Variants in RBFOX1 observed in about 807,000 individuals in gnomAD.
RBFOX1 encodes RNA binding protein fox-1 homolog 1.
Under a neutral mutation model 57.7 loss-of-function variants are expected in RBFOX1, and 8 were observed. That is an observed-to-expected ratio of 0.14 (90% CI 0.08 to 0.25). The LOEUF (loss-of-function observed/expected upper bound fraction) is 0.25. Ranked by LOEUF, RBFOX1 falls within the 10% of genes least tolerant of loss-of-function variation. RBFOX1 has a pLI of 1.00. For synonymous variants in RBFOX1, 326 were observed against 222.4 expected (o/e 1.47, Z -4.15); for missense variants, 611 against 548.5 (o/e 1.11, Z -1.14).
intron 2 of RBFOX1, among the ~76,000 whole-genome samples, chr16:6,471,402 A>T (rs916876614): frequency 2.0e-5 from 3 of 152,148 alleles, no homozygotes; most frequent in South Asian, 4.1e-4. Flanking sequence ...AGTTTCTATT[A>T]TAATACTTGT....
chr16:7,230,519 C>T (rs1185493058), intron 4 of RBFOX1, among the ~76,000 whole-genome samples: 2 of 152,236 alleles, frequency 1.3e-5, no homozygotes, highest in Non-Finnish European at 2.9e-5. Flanking sequence ...CATGATGAAG[C>T]ACTGCTTGAC....
chr16:6,178,908 A>G (rs1247222416), intron 1 of RBFOX1, among the ~76,000 whole-genome samples: 1 of 152,194 alleles, frequency 6.6e-6, no homozygotes, highest in Non-Finnish European at 1.5e-5. Context: ...GAATACTCTC[A>G]TATAAGGAAG....
At chr16:5,260,733 T>G (rs1381839709) in intron 1 of RBFOX1, 1 of 152,312 alleles carries the variant, frequency 6.6e-6, no homozygotes, top group Non-Finnish European at 1.5e-5. Flanking sequence ...CTTGACGTCA[T>G]TCTGCCCTTG....
intron 3 of RBFOX1, among the ~76,000 whole-genome samples, chr16:5,720,330 T>G (rs1219161461): frequency 6.6e-6 from 1 of 152,244 alleles, no homozygotes; most frequent in Non-Finnish European, 1.5e-5. Flanking sequence ...TAGTCCTTGA[T>G]GAAATGTGTA....
intron 4 of RBFOX1, among the ~76,000 whole-genome samples, chr16:7,264,167 T>C (rs2095039926): frequency 6.6e-6 from 1 of 152,164 alleles, no homozygotes; most frequent in Non-Finnish European, 1.5e-5. Flanking sequence ...GCTAGGCTCC[T>C]GGACTCCAGA....
chr16:6,940,013 C>T (rs1171904979), intron 3 of RBFOX1, among the ~76,000 whole-genome samples: 1 of 152,074 alleles, frequency 6.6e-6, no homozygotes, highest in African/African-American at 2.4e-5. Context: ...TGAAAAGGCA[C>T]AGGTCAGCCT....
At chr16:7,614,511 G>T (rs1176437258) in intron 10 of RBFOX1, 1 of 152,094 alleles carries the variant, frequency 6.6e-6, no homozygotes, top group Non-Finnish European at 1.5e-5. Context: ...TTGCTTATGT[G>T]CTAAAAACTG....
At chr16:6,291,513 A>C (rs1329145791) in intron 1 of RBFOX1, among the ~76,000 whole-genome samples, 1 of 152,224 alleles carries the variant, frequency 6.6e-6, no homozygotes, top group Non-Finnish European at 1.5e-5. Context: ...GGAAAAGTCA[A>C]GCTGGGAACT....
intron 4 of RBFOX1, among the ~76,000 whole-genome samples, chr16:7,445,529 G>C (rs1245107232): frequency 1.3e-5 from 2 of 152,166 alleles, no homozygotes; most frequent in African/African-American, 4.8e-5. Flanking sequence ...AGGAGTGACA[G>C]GTCCATAAAT....
chr16:6,034,835 G>C (rs1167253318), intron 1 of RBFOX1, among the ~76,000 whole-genome samples: 1 of 152,194 alleles, frequency 6.6e-6, no homozygotes, highest in Non-Finnish European at 1.5e-5. Context: ...TTTCAGGATG[G>C]GGATGTGGGG....
chr16:6,800,600 G>C (rs758580195), intron 3 of RBFOX1, among the ~76,000 whole-genome samples: 1 of 152,110 alleles, frequency 6.6e-6, no homozygotes, highest in South Asian at 2.1e-4. Context: ...GATGGTTAAA[G>C]AGCAAATTCA....
chr16:7,429,400 C>A (rs1484960010), intron 4 of RBFOX1, among the ~76,000 whole-genome samples: 2 of 152,228 alleles, frequency 1.3e-5, no homozygotes, highest in African/African-American at 4.8e-5. Context: ...GAGAAGCCTT[C>A]CCTGGCTAGC....
At chr16:5,311,775 C>G (rs1219167720) in intron 1 of RBFOX1, among the ~76,000 whole-genome samples, 1 of 152,188 alleles carries the variant, frequency 6.6e-6, no homozygotes, top group Non-Finnish European at 1.5e-5. Flanking sequence ...TCAAATTACA[C>G]TCTTAGTAGG....
chr16:5,641,749 C>T (rs1032630496), intron 3 of RBFOX1, among the ~76,000 whole-genome samples: 10 of 152,128 alleles, frequency 6.6e-5, no homozygotes, highest in African/African-American at 2.4e-4. Context: ...GGAATAAAGG[C>T]AGGGGGTCAG....
At position 6,145,216 on chromosome 16, in the gene RBFOX1, G is replaced by A. The variant is rs1246328924; in HGVS notation, c.-127+125224G>A. Among the ~76,000 whole-genome samples, 11 of 152,160 alleles carry A rather than the reference G, an allele frequency of 7.2e-5. No homozygotes were observed. In the Middle Eastern group the frequency reaches 0.02, roughly 282 times the overall value. Reference sequence around the variant, plus strand: ...CTCCACCCTAGGAAAGGCCCTGGGTGTGTTGTTCCCCTCTATGTGTCCATG... The same window carrying A: ...CTCCACCCTAGGAAAGGCCCTGGGTATGTTGTTCCCCTCTATGTGTCCATG... On this transcript the variant is annotated intron_variant, in intron 1 of 15. Coordinates refer to ENST00000550418, the MANE Select transcript of RBFOX1 (RefSeq NM_018723.4).
At chr16:5,296,683 CTT>C (rs908247757) in intron 1 of RBFOX1, among the ~76,000 whole-genome samples, 1 of 143,152 alleles carries the variant, frequency 7.0e-6, no homozygotes, top group Admixed American at 7.0e-5. Context: ...CTGAGCTAAA[CTT>C]TTTTTTTTTT....
rs970783760 is a variant in RBFOX1 at position 6,567,627 on chromosome 16, C to G, written c.-63-86976C>G. On this transcript the variant is annotated intron_variant, in intron 2 of 15. Coordinates refer to ENST00000550418, the MANE Select transcript of RBFOX1 (RefSeq NM_018723.4). ...ACAAAGGAAAGGACCTTGTCTCTTT[C>G]ATTTCAGCGCCACATCCCAGCACTA... Among the ~76,000 whole-genome samples the G allele has an allele frequency of 2.0e-5, 3 of 152,248 alleles. No homozygotes were observed. The East Asian group carries it at 5.8e-4, about 29-fold the overall frequency.
In RBFOX1 at chr16:5,936,226, C is replaced by T. The variant is rs56176038; in HGVS notation, c.351+68891C>T. ...GCAACTTCTGTCTCCCAGGTTCAAG[C>T]GATTCTCGTGCCTCAGCATCCTGAG... On this transcript the variant is annotated intron_variant, in intron 4 of 19. Transcript: ENST00000641259. 4.6e-3 allele frequency among the ~76,000 whole-genome samples: 698 copies of T among 152,182 alleles called. 8 individuals are homozygous for T. Among genetic ancestry groups the T allele is most frequent in the African/African-American group, 0.016 (659 of 41,522 alleles).
chr16:7,246,525 A>T (rs368032082), intron 4 of RBFOX1, among the ~76,000 whole-genome samples: 1 of 151,760 alleles, frequency 6.6e-6, no homozygotes, highest in African/African-American at 2.4e-5. Flanking sequence ...TTATAACTGT[A>T]CCAAACCATG....
Sources: gnomAD v4.1 joint callset for allele counts (sites outside exome capture counted in the v4.1 genomes callset) on GRCh38, gnomAD v4.1.1 for gene constraint, MANE v1.5 for transcripts, NCBI Gene and HGNC (gene_info 2026-07-23, HGNC 2026-07-21) for gene names.